The following MAF variants were observed in gnomAD, a reference collection of about 807,000 sequenced individuals.
MAF encodes the protein transcription factor Maf.
MAF carries 10 observed loss-of-function variants against 22.0 expected under a neutral mutation model. The observed-to-expected ratio is 0.45, with a 90% CI of 0.28 to 0.77. The LOEUF (loss-of-function observed/expected upper bound fraction) is 0.77. MAF is among the 30% of genes least tolerant of loss of function. The pLI is 0.12. For missense variants in MAF, 544 were observed against 548.4 expected, an observed-to-expected ratio of 0.99 and a Z score of 0.08; for synonymous variants, 337 against 255.8, an observed-to-expected ratio of 1.32 and a Z score of -3.03.
chr16:79,208,510 T>C, the MAF span, among the ~76,000 whole-genome samples: 3 of 152,264 alleles, frequency 2.0e-5, no homozygotes, highest in East Asian at 1.9e-4. Context: ...AGATATTTTA[T>C]AACGGAGTTG....
At chr16:79,204,675 C>G in the MAF span, 4 of 152,276 alleles carry the variant, frequency 2.6e-5, no homozygotes, top group African/African-American at 9.6e-5. Flanking sequence ...CAAGGTCACC[C>G]TGCCCTTCAA....
At chr16:79,351,305 G>A in the MAF span, among the ~76,000 whole-genome samples, 7 of 152,154 alleles carry the variant, frequency 4.6e-5, no homozygotes, top group Non-Finnish European at 1.5e-5. Context: ...AGGAGTAGAG[G>A]TAGCTCTCTA....
At chr16:79,324,579 C>A in the MAF span, among the ~76,000 whole-genome samples, 5,488 of 152,062 alleles carry the variant, frequency 0.036, 145 homozygotes, top group East Asian at 0.075. Flanking sequence ...AAATAAGAAT[C>A]GGAGGTCCAG....
chr16:79,262,050 C>G, the MAF span, among the ~76,000 whole-genome samples: 1 of 152,174 alleles, frequency 6.6e-6, no homozygotes, highest in Non-Finnish European at 1.5e-5. Context: ...TGCCTGCCCC[C>G]AGGCAGTCAC....
At chr16:79,311,314 G>C in the MAF span, among the ~76,000 whole-genome samples, 10 of 152,082 alleles carry the variant, frequency 6.6e-5, no homozygotes, top group African/African-American at 2.4e-4. Flanking sequence ...GCTCCAGAGA[G>C]TGTCACGCAG....
chr16:79,456,815 T>G, the MAF span, among the ~76,000 whole-genome samples: 1 of 152,158 alleles, frequency 6.6e-6, no homozygotes, highest in Non-Finnish European at 1.5e-5. Context: ...TTGGGACATT[T>G]TGCTAAAAAT....
the MAF span, among the ~76,000 whole-genome samples, chr16:79,279,711 G>C: frequency 6.6e-6 from 1 of 152,138 alleles, no homozygotes; most frequent in Non-Finnish European, 1.5e-5. Flanking sequence ...CTCGCGCAGG[G>C]GTTCTCTTAC....
At chr16:79,557,521 G>GTT in the MAF span, among the ~76,000 whole-genome samples, 1 of 152,052 alleles carries the variant, frequency 6.6e-6, no homozygotes, top group Non-Finnish European at 1.5e-5. Context: ...TCTACAATTT[G>GTT]TACTTCAGCC....
the MAF span, among the ~76,000 whole-genome samples, chr16:79,419,912 G>GA: frequency 2.5e-4 from 37 of 147,110 alleles, no homozygotes; most frequent in Admixed American, 7.5e-4. Flanking sequence ...AAATCTCCCG[G>GA]AAAAAAAAAA....
chr16:79,576,230 C>T, the MAF span, among the ~76,000 whole-genome samples: 1 of 45,130 alleles, frequency 2.2e-5, no homozygotes, highest in African/African-American at 9.1e-5. Context: ...TCCTGTGGTA[C>T]TAAAAAAAAA....
At chr16:79,520,452 T>C in the MAF span, among the ~76,000 whole-genome samples, 1 of 152,128 alleles carries the variant, frequency 6.6e-6, no homozygotes, top group Non-Finnish European at 1.5e-5. Context: ...CCCCACACCC[T>C]AGCCTCTCTT....
the MAF span, among the ~76,000 whole-genome samples, chr16:79,269,128 T>C: frequency 6.6e-6 from 1 of 152,232 alleles, no homozygotes; most frequent in African/African-American, 2.4e-5. Context: ...TTGGTCTCAA[T>C]GCTTATTGAA....
the MAF span, among the ~76,000 whole-genome samples, chr16:79,437,142 C>CTG: frequency 0.048 from 1,902 of 39,254 alleles, 14 homozygotes; most frequent in East Asian, 0.074. Context: ...AGCTCTCTCT[C>CTG]TCTCTGTGTG....
At chr16:79,489,827 G>A in the MAF span, among the ~76,000 whole-genome samples, 7 of 152,284 alleles carry the variant, frequency 4.6e-5, no homozygotes, top group East Asian at 3.9e-4. Context: ...TGTGTGAAAC[G>A]CAGCCAGCTT....
the MAF span, among the ~76,000 whole-genome samples, chr16:79,546,667 A>G: frequency 3.3e-5 from 5 of 152,302 alleles, no homozygotes; most frequent in Non-Finnish European, 4.4e-5. Flanking sequence ...ATCAGGTGCA[A>G]CATGGTCTAG....
the MAF span, among the ~76,000 whole-genome samples, chr16:79,517,542 G>A: frequency 6.7e-6 from 1 of 148,986 alleles, no homozygotes; most frequent in African/African-American, 2.5e-5. Context: ...CTTTCCCAGA[G>A]TGAGGTTTTG....
At position 79,594,263 on chromosome 16, in the gene MAF, G is replaced by T; in HGVS notation, c.*197C>A. ...ACACCATAAATCGAAAAGCAGGAGTGCGCTTTCCTACCGGTCTCTATGAAA... is the reference window on the plus strand; with the variant it reads ...ACACCATAAATCGAAAAGCAGGAGTTCGCTTTCCTACCGGTCTCTATGAAA... On this transcript the variant is annotated 3_prime_UTR_variant, in exon 2 of 2. Transcript: ENST00000326043. The T allele has an allele frequency of 1.7e-6, 1 of 585,322 alleles. No homozygotes were observed. Among genetic ancestry groups the T allele is most frequent in the Non-Finnish European group, 3.0e-6 (1 of 330,534 alleles). The allele number at this position is 585,322 out of a possible 1,614,324, so 36.3% of individuals were successfully genotyped here. A position where few individuals can be genotyped will look rare whatever the true frequency, so the allele number is the denominator to read the frequency against.
the MAF span, among the ~76,000 whole-genome samples, chr16:79,263,381 T>C: frequency 6.6e-6 from 1 of 152,246 alleles, no homozygotes; most frequent in Non-Finnish European, 1.5e-5. Flanking sequence ...TGATTTGATT[T>C]CCATATCTGG....
At chr16:79,211,629 G>C in the MAF span, 2 of 1,614,166 alleles carry the variant, frequency 1.2e-6, no homozygotes, top group Non-Finnish European at 1.7e-6. Flanking sequence ...TGCCACCACC[G>C]TGTACTGTGC....
Sources: allele counts gnomAD v4.1 joint callset (sites outside exome capture counted in the v4.1 genomes callset), GRCh38; gene constraint gnomAD v4.1.1; transcripts MANE v1.5; gene names NCBI Gene and HGNC (gene_info 2026-07-23, HGNC 2026-07-21).